The following NKAIN2 variants were observed in gnomAD, a reference collection of about 807,000 sequenced individuals.
The protein encoded by NKAIN2 is sodium/potassium transporting ATPase interacting 2.
Under a neutral mutation model 32.6 loss-of-function variants are expected in NKAIN2, and 14 were observed. The observed-to-expected ratio is 0.43, with a 90% confidence interval of 0.28 to 0.67. The LOEUF (loss-of-function observed/expected upper bound fraction) is 0.67. NKAIN2 is among the 30% of genes least tolerant of loss of function. NKAIN2 has a pLI of 0.17. For synonymous variants in NKAIN2, 80 were observed against 87.2 expected (o/e 0.92, Z 0.46); for missense variants, 198 against 258.3 (o/e 0.77, Z 1.60).
rs575442545 is a variant in NKAIN2, at chr6:124,659,369, G to A, written c.474+983G>A. Among the ~76,000 whole-genome samples, 8 of 151,978 alleles carry A rather than the reference G, an allele frequency of 5.3e-5. 1 individual carries two copies. In the South Asian group the frequency reaches 1.7e-3, roughly 32 times the overall value. On this transcript the variant is annotated intron_variant, in intron 4 of 6. Coordinates refer to ENST00000368417, the MANE Select transcript of NKAIN2 (RefSeq NM_001040214.3). ...GGATAACAATAAATAATAGTTTCTGGGTAGAGTGGCATACAATTCAGAGAA... is the reference window on the plus strand; with the variant it reads ...GGATAACAATAAATAATAGTTTCTGAGTAGAGTGGCATACAATTCAGAGAA...
At chr6:124,172,091 C>T (rs1351276725) in intron 1 of NKAIN2, among the ~76,000 whole-genome samples, 1 of 152,140 alleles carries the variant, frequency 6.6e-6, no homozygotes, top group Non-Finnish European at 1.5e-5. Flanking sequence ...GGATTACAGG[C>T]GTGAGCCACT....
At chr6:123,991,062 A>G (rs1236163509) in intron 1 of NKAIN2, among the ~76,000 whole-genome samples, 1 of 152,214 alleles carries the variant, frequency 6.6e-6, no homozygotes, top group Non-Finnish European at 1.5e-5. Flanking sequence ...CTGTGTACAT[A>G]CATGTTATAT....
intron 3 of NKAIN2, among the ~76,000 whole-genome samples, chr6:124,533,162 T>C (rs1045662751): frequency 8.5e-5 from 13 of 152,162 alleles, no homozygotes; most frequent in African/African-American, 3.1e-4. Context: ...CCACGTTTAC[T>C]TGGTGTGTCT....
rs1562400690 is a variant in NKAIN2, at chr6:124,815,574, A to G, written c.536-2813A>G. On this transcript the variant is annotated intron_variant, in intron 5 of 6. Transcript: ENST00000368417. Reference sequence around the variant, plus strand: ...CGTGAGCCACGGCACCCAGCCAATAATTTTTTTAAGTGCAAACTTTAAATA... The same window carrying G: ...CGTGAGCCACGGCACCCAGCCAATAGTTTTTTTAAGTGCAAACTTTAAATA... Among the ~76,000 whole-genome samples the G allele has an allele frequency of 2.6e-5, 4 of 151,044 alleles. No individual in the cohort carries two copies. In the South Asian group the frequency reaches 8.3e-4, roughly 31 times the overall value.
At chr6:123,856,663 C>T (rs1404413346) in intron 1 of NKAIN2, among the ~76,000 whole-genome samples, 1 of 152,144 alleles carries the variant, frequency 6.6e-6, no homozygotes, top group Non-Finnish European at 1.5e-5. Context: ...GTGTTTCTCA[C>T]TAGGGGTTCT....
chr6:124,221,979 A>T lies in NKAIN2; in HGVS notation c.55-61026A>T, dbSNP rs557288884. 7.3e-5 allele frequency among the ~76,000 whole-genome samples: 11 copies of T among 149,768 alleles called. No homozygotes were observed. The South Asian group carries it at 2.3e-3, about 31-fold the overall frequency. Reference sequence around the variant, plus strand: ...AGAAATTAATATCTTCTTGAGCAACATTTGTTCTTTTTCACTCTGATAAGT... The same window carrying T: ...AGAAATTAATATCTTCTTGAGCAACTTTTGTTCTTTTTCACTCTGATAAGT... On this transcript the variant is annotated intron_variant, in intron 1 of 6. Transcript: ENST00000368417.
chr6:124,342,456 C>T (rs1354829773), intron 2 of NKAIN2, among the ~76,000 whole-genome samples: 2 of 140,050 alleles, frequency 1.4e-5, no homozygotes, highest in Non-Finnish European at 3.0e-5. Flanking sequence ...TAAAACACCT[C>T]ATTGTTAAAA....
At chr6:124,530,715 A>G (rs558877286) in intron 3 of NKAIN2, among the ~76,000 whole-genome samples, 2 of 152,306 alleles carry the variant, frequency 1.3e-5, no homozygotes, top group East Asian at 3.9e-4. Context: ...AGGCCTGAAA[A>G]TGGTGGGAGC....
intron 1 of NKAIN2, among the ~76,000 whole-genome samples, chr6:123,808,349 C>T (rs1007859602): frequency 8.5e-5 from 13 of 152,092 alleles, no homozygotes; most frequent in Admixed American, 2.6e-4. Flanking sequence ...GACTGAAAAT[C>T]CCCATACAAT....
At chr6:124,801,139 A>T (rs1009158682) in intron 5 of NKAIN2, among the ~76,000 whole-genome samples, 6 of 152,104 alleles carry the variant, frequency 3.9e-5, no homozygotes, top group African/African-American at 1.4e-4. Context: ...TTTCCCATTC[A>T]TGCCTCAGTT....
intron 3 of NKAIN2, among the ~76,000 whole-genome samples, chr6:124,457,225 C>G (rs939399355): frequency 6.6e-6 from 1 of 151,912 alleles, no homozygotes; most frequent in African/African-American, 2.4e-5. Context: ...CTCTAGGCCT[C>G]AGTTTCCTTC....
intron 1 of NKAIN2, among the ~76,000 whole-genome samples, chr6:124,014,298 G>A (rs1414616997): frequency 6.6e-6 from 1 of 151,988 alleles, no homozygotes. Flanking sequence ...ACTTGCATTT[G>A]GTTTTTGATT....
chr6:124,776,775 T>C (rs1008322221), intron 4 of NKAIN2, among the ~76,000 whole-genome samples: 16 of 152,168 alleles, frequency 1.1e-4, no homozygotes, highest in South Asian at 8.3e-4. Flanking sequence ...TCTTTAGCAA[T>C]TGCTGGAGTA....
At chr6:124,212,868 C>T (rs1461414041) in intron 1 of NKAIN2, among the ~76,000 whole-genome samples, 3 of 151,784 alleles carry the variant, frequency 2.0e-5, no homozygotes, top group Non-Finnish European at 4.4e-5. Flanking sequence ...CTTTAAAAAC[C>T]CAGGAATAAC....
At chr6:124,366,644 C>G (rs1466949690) in intron 3 of NKAIN2, among the ~76,000 whole-genome samples, 3 of 151,966 alleles carry the variant, frequency 2.0e-5, no homozygotes, top group Non-Finnish European at 4.4e-5. Flanking sequence ...TTACTGAACT[C>G]AAATGTAATA....
intron 1 of NKAIN2, among the ~76,000 whole-genome samples, chr6:124,097,630 T>A (rs1784700878): frequency 6.6e-6 from 1 of 152,294 alleles, no homozygotes; most frequent in East Asian, 1.9e-4. Flanking sequence ...TAAACCAGAA[T>A]TGTGGAAAGT....
chr6:124,229,736 A>G (rs1792346800), intron 1 of NKAIN2, among the ~76,000 whole-genome samples: 1 of 152,070 alleles, frequency 6.6e-6, no homozygotes. Context: ...TTCCCTGCAC[A>G]GGCTCTCTTT....
At chr6:124,309,787 A>T (rs376329931) in intron 2 of NKAIN2, among the ~76,000 whole-genome samples, 1 of 152,180 alleles carries the variant, frequency 6.6e-6, no homozygotes, top group Non-Finnish European at 1.5e-5. Context: ...TTTAAATGAC[A>T]CTCACTAGTC....
At chr6:124,711,957 C>A (rs1380211595) in intron 4 of NKAIN2, among the ~76,000 whole-genome samples, 1 of 152,044 alleles carries the variant, frequency 6.6e-6, no homozygotes, top group Non-Finnish European at 1.5e-5. Context: ...GTTTTATCTA[C>A]TTTTGGTCTT....
Sources: allele counts gnomAD v4.1 joint callset (sites outside exome capture counted in the v4.1 genomes callset), GRCh38; gene constraint gnomAD v4.1.1; transcripts MANE v1.5; gene names NCBI Gene and HGNC (gene_info 2026-07-23, HGNC 2026-07-21).